Variants in SMIM14 observed in about 807,000 individuals in gnomAD.
The protein encoded by SMIM14 is small integral membrane protein 14.
In SMIM14, 5 loss-of-function variants were observed where a neutral mutation model predicts 12.6. The ratio of observed to expected loss-of-function variants is 0.40; its 90% CI spans 0.21 to 0.83. SMIM14 has a LOEUF of 0.83. SMIM14 is among the 40% of genes least tolerant of loss of function. The probability of loss-of-function intolerance (pLI) is 0.37; values close to 1 mark genes in which losing one functional copy is unlikely to be tolerated. For missense variants in SMIM14, 86 were observed against 119.1 expected (o/e 0.72, Z 1.29); for synonymous variants, 30 against 40.1 (o/e 0.75, Z 0.95).
chr4:39,579,721 G>A (rs1713396409), intron 2 of SMIM14, among the ~76,000 whole-genome samples: 1 of 151,894 alleles, frequency 6.6e-6, no homozygotes, highest in Non-Finnish European at 1.5e-5. Context: ...GTGCGCACCA[G>A]TAGTCCCAGC....
intron 1 of SMIM14, among the ~76,000 whole-genome samples, chr4:39,619,871 TATATA>T (rs1330990859): frequency 2.5e-4 from 21 of 83,252 alleles, no homozygotes; most frequent in East Asian, 6.3e-4. Flanking sequence ...TATATATATA[TATATA>T]TTTTTTTTTT....
intron 1 of SMIM14, among the ~76,000 whole-genome samples, chr4:39,631,879 T>C (rs891211307): frequency 1.3e-5 from 2 of 151,684 alleles, no homozygotes; most frequent in African/African-American, 4.8e-5. Context: ...TCTGTATTTT[T>C]ACAAAGCTGA....
chr4:39,631,026 T>C (rs1027247695), intron 1 of SMIM14, among the ~76,000 whole-genome samples: 1 of 152,062 alleles, frequency 6.6e-6, no homozygotes, highest in Non-Finnish European at 1.5e-5. Context: ...AGCAGCAAAA[T>C]ATATATTGTA....
chr4:39,559,197 T>C (rs1712165986), intron 3 of SMIM14, among the ~76,000 whole-genome samples: 2 of 151,950 alleles, frequency 1.3e-5, no homozygotes, highest in Admixed American at 1.3e-4. Flanking sequence ...GAGAAACCAA[T>C]ATATGAAGGT....
intron 2 of SMIM14, chr4:39,592,804 A>G (rs1220209930): frequency 1.3e-5 from 2 of 152,252 alleles, no homozygotes; most frequent in African/African-American, 4.8e-5. Flanking sequence ...AAAATCTAGA[A>G]GAAATGGTTA....
chr4:39,585,442 G>A lies in SMIM14; in HGVS notation c.76-12979C>T, dbSNP rs28688905. ...CTCCTGAGTAGCTGGGATTACAGGC[G>A]TGCGCCACCATGCCCAGCTAATTTT... is the stretch of plus-strand genomic sequence containing the variant. On this transcript the variant is annotated intron_variant, in intron 2 of 4. Transcript: ENST00000295958. Among the ~76,000 whole-genome samples the A allele has an allele frequency of 4.7e-3, 711 of 151,894 alleles. 11 individuals are homozygous for A. The highest frequency in any genetic ancestry group is 0.016 in the African/African-American group (663 of 41,334).
intron 3 of SMIM14, among the ~76,000 whole-genome samples, chr4:39,563,221 C>T (rs572184791): frequency 2.0e-4 from 30 of 152,134 alleles, no homozygotes; most frequent in African/African-American, 6.7e-4. Context: ...CCTCCACACC[C>T]GGCTAATTTT....
chr4:39,634,413 C>G (rs528700603), intron 1 of SMIM14, among the ~76,000 whole-genome samples: 6 of 152,282 alleles, frequency 3.9e-5, no homozygotes, highest in Non-Finnish European at 7.4e-5. Flanking sequence ...CAGTAGGGTA[C>G]AGTGATTAAA....
chr4:39,568,181 A>T (rs922556242), intron 3 of SMIM14, among the ~76,000 whole-genome samples: 2 of 151,850 alleles, frequency 1.3e-5, no homozygotes. Context: ...TGGGAGGCTG[A>T]GGCAGGAGAA....
intron 2 of SMIM14, 93 bp from the exon 3 acceptor site, chr4:39,572,556 G>T: frequency 2.0e-6 from 2 of 1,013,330 alleles, no homozygotes; most frequent in Non-Finnish European, 3.1e-6. Flanking sequence ...GGGTGCGGTG[G>T]CTCACGCCTG....
chr4:39,558,239 G>A lies in SMIM14; in HGVS notation c.125-1669C>T, dbSNP rs143610973. Among the ~76,000 whole-genome samples the A allele has an allele frequency of 1.4e-3, 218 of 152,348 alleles. 1 individual carries two copies. Among genetic ancestry groups the A allele is most frequent in the African/African-American group, 5.0e-3 (208 of 41,586 alleles). ...GCACTGGCTCACGCCTGTAATCCCA[G>A]CACTTTGGAAGGCCAAGATGGGTGG... On this transcript the variant is annotated intron_variant, in intron 3 of 4. Transcript: ENST00000295958. The surrounding 1 kb of genome is among the most constrained non-coding windows in gnomAD (Gnocchi z 4.3).
At chr4:39,630,174 G>A (rs948877456) in intron 1 of SMIM14, among the ~76,000 whole-genome samples, 2 of 152,188 alleles carry the variant, frequency 1.3e-5, no homozygotes, top group African/African-American at 4.8e-5. Context: ...TGAGGCAGAA[G>A]AATTGCTTGA....
intron 2 of SMIM14, chr4:39,593,834 C>A (rs1354042005): frequency 6.6e-6 from 1 of 152,238 alleles, no homozygotes; most frequent in South Asian, 2.1e-4. Context: ...ACCTAGGAAT[C>A]CAACTTACAA....
chr4:39,622,652 T>A (rs191327733), intron 1 of SMIM14, among the ~76,000 whole-genome samples: 1 of 152,178 alleles, frequency 6.6e-6, no homozygotes, highest in African/African-American at 2.4e-5. Context: ...CCGCCGCCTC[T>A]GCCTCCCCAA....
intron 2 of SMIM14, among the ~76,000 whole-genome samples, chr4:39,591,845 C>T (rs1017967577): frequency 2.0e-5 from 3 of 152,112 alleles, no homozygotes; most frequent in East Asian, 1.9e-4. Context: ...GGATTACAGG[C>T]GTAAGCCACC....
intron 2 of SMIM14, chr4:39,593,676 C>T (rs1320602144): frequency 6.6e-6 from 1 of 152,054 alleles, no homozygotes; most frequent in African/African-American, 2.4e-5. Context: ...CCAAAATCTC[C>T]TTAAGCTGAT....
chr4:39,631,470 A>G (rs1341711802), intron 1 of SMIM14, among the ~76,000 whole-genome samples: 2 of 151,678 alleles, frequency 1.3e-5, no homozygotes, highest in Non-Finnish European at 2.9e-5. Flanking sequence ...CATCCTGGCT[A>G]ACATGGTGAA....
intron 2 of SMIM14, among the ~76,000 whole-genome samples, chr4:39,603,769 C>T (rs4975026): frequency 0.51 from 76,624 of 151,634 alleles, 19,549 homozygotes; most frequent in Admixed American, 0.57. Context: ...CCAGCACTTT[C>T]GGGGACCGAG....
chr4:39,556,007 A>G (rs1480741750), intron 4 of SMIM14, among the ~76,000 whole-genome samples: 1 of 152,124 alleles, frequency 6.6e-6, no homozygotes, highest in African/African-American at 2.4e-5. Context: ...CCCCATCTCT[A>G]CAAAAAAATA....
Sources: allele counts gnomAD v4.1 joint callset (sites outside exome capture counted in the v4.1 genomes callset), GRCh38; gene constraint gnomAD v4.1.1; non-coding constraint Gnocchi (gnomAD v3.1); transcripts MANE v1.5; gene names NCBI Gene and HGNC (gene_info 2026-07-23, HGNC 2026-07-21).